The following UXS1 variants were observed in gnomAD, a reference collection of about 807,000 sequenced individuals.
UXS1 encodes UDP-glucuronate decarboxylase 1.
A neutral mutation model predicts 62.6 loss-of-function variants in UXS1; 33 were observed. The ratio of observed to expected loss-of-function variants is 0.53; its 90% CI spans 0.40 to 0.70. The LOEUF is 0.70. Ranked by LOEUF, UXS1 falls within the 30% of genes least tolerant of loss-of-function variation. The pLI, the probability that UXS1 is intolerant of heterozygous loss-of-function variation, is 0.00. For synonymous variants in UXS1, 213 were observed against 206.8 expected (o/e 1.03, Z -0.26); for missense variants, 434 against 556.3 (o/e 0.78, Z 2.21).
intron 10 of UXS1, among the ~76,000 whole-genome samples, chr2:106,109,762 G>A (rs746399687): frequency 2.0e-5 from 3 of 152,166 alleles, no homozygotes; most frequent in Non-Finnish European, 2.9e-5. Context: ...GTACAGCAAC[G>A]AGTGAGATGC....
intron 9 of UXS1, among the ~76,000 whole-genome samples, chr2:106,113,466 T>C (rs1678794201): frequency 6.6e-6 from 1 of 152,220 alleles, no homozygotes; most frequent in Admixed American, 6.5e-5. Flanking sequence ...AATGCTTCTA[T>C]TTTTACTACA....
intron 1 of UXS1, among the ~76,000 whole-genome samples, chr2:106,186,160 G>GA (rs1347008916): frequency 6.6e-6 from 1 of 152,162 alleles, no homozygotes; most frequent in Non-Finnish European, 1.5e-5. Context: ...CAATGGACAT[G>GA]AAATGCACTG....
intron 13 of UXS1, among the ~76,000 whole-genome samples, chr2:106,098,327 A>T (rs1223711440): frequency 2.6e-5 from 4 of 152,154 alleles, no homozygotes; most frequent in African/African-American, 7.2e-5. Flanking sequence ...TTGCAAACAG[A>T]ATTTCAAACC....
intron 7 of UXS1, 83 bp from the exon 8 acceptor site, chr2:106,125,762 T>C: frequency 8.1e-7 from 1 of 1,241,152 alleles, no homozygotes; most frequent in Non-Finnish European, 1.1e-6. Flanking sequence ...AGCAATGTTT[T>C]AGTATTAAAG....
At chr2:106,173,818 T>C (rs1683710258) in intron 1 of UXS1, among the ~76,000 whole-genome samples, 1 of 152,256 alleles carries the variant, frequency 6.6e-6, no homozygotes, top group Non-Finnish European at 1.5e-5. Context: ...TAAAACTTTC[T>C]AGCTCTTGGA....
intron 6 of UXS1, chr2:106,138,421 C>T: frequency 1.0e-6 from 1 of 985,480 alleles, no homozygotes; most frequent in Non-Finnish European, 1.2e-6. Context: ...ACAGTGTGGA[C>T]TCTAGAGGGA....
rs1227669934 is a variant in UXS1, at chr2:106,112,579, C to CTCA, written c.879+64_879+66dup. 1.1e-5 allele frequency: 17 copies of CTCA among 1,584,698 alleles called. No individual in the cohort carries two copies. The East Asian group carries it at 3.9e-4, about 36-fold the overall frequency. ...TCCCTGAACCAAGATGCACTTATCC[C>CTCA]TCATCCTTTGTGAGCTGACTTCGAT... On this transcript the variant is annotated intron_variant, in intron 10 of 14. Coordinates refer to ENST00000283148, the MANE Select transcript of UXS1 (RefSeq NM_001253875.2).
chr2:106,117,760 G>C (rs1261629956), intron 9 of UXS1, among the ~76,000 whole-genome samples: 1 of 152,202 alleles, frequency 6.6e-6, no homozygotes. Context: ...GTCAGGCTGT[G>C]AGGGCTGAAC....
chr2:106,124,090 T>C (rs1679738585), intron 8 of UXS1, among the ~76,000 whole-genome samples: 1 of 152,194 alleles, frequency 6.6e-6, no homozygotes, highest in African/African-American at 2.4e-5. Context: ...AAAATTCCCT[T>C]TCAAAGAGCA....
intron 1 of UXS1, among the ~76,000 whole-genome samples, chr2:106,186,405 G>C (rs1684553360): frequency 6.6e-6 from 1 of 151,712 alleles, no homozygotes; most frequent in South Asian, 2.1e-4. Context: ...GACAAATCCA[G>C]AATGTGGGAC....
intron 4 of UXS1, chr2:106,159,019 C>A (rs777861178): frequency 6.6e-6 from 1 of 152,146 alleles, no homozygotes; most frequent in Non-Finnish European, 1.5e-5. Flanking sequence ...GCTCCCCAGG[C>A]CCCCACCCAC....
At chr2:106,100,687 C>A in intron 12 of UXS1, 1 of 184,164 alleles carries the variant, frequency 5.4e-6, no homozygotes, top group Non-Finnish European at 1.1e-5. Flanking sequence ...GAAAATTTTC[C>A]CTCTGAACAA....
intron 14 of UXS1, among the ~76,000 whole-genome samples, chr2:106,095,559 C>A (rs374276630): frequency 2.6e-5 from 4 of 152,214 alleles, no homozygotes. Flanking sequence ...TCTCTGACTG[C>A]GCCACAACCC....
At chr2:106,157,280 A>AC (rs1682514954) in intron 5 of UXS1, among the ~76,000 whole-genome samples, 1 of 151,876 alleles carries the variant, frequency 6.6e-6, no homozygotes, top group South Asian at 2.1e-4. Flanking sequence ...TTACTTTAAA[A>AC]AAAATGCAAC....
At chr2:106,126,445 C>T (rs1188189805) in intron 7 of UXS1, among the ~76,000 whole-genome samples, 2 of 152,106 alleles carry the variant, frequency 1.3e-5, no homozygotes, top group Admixed American at 1.3e-4. Flanking sequence ...CTGGACACCC[C>T]TCAGCTCTGC....
rs756573202 is a variant in UXS1 at position 106,129,640 on chromosome 2, C to G, written c.577+34G>C. On this transcript the variant is annotated intron_variant, in intron 7 of 14. Coordinates refer to ENST00000283148, the MANE Select transcript of UXS1 (RefSeq NM_001253875.2). The stretch of plus-strand genomic sequence containing the variant: ...TTGTAATCATCTAAAATATTCCCAG[C>G]AACAGCCAAAAAAACAAGAAAATGA... 3.3e-6 allele frequency: 5 copies of G among 1,521,506 alleles called. No individual in the cohort carries two copies. In the African/African-American group the frequency reaches 6.8e-5, roughly 21 times the overall value. 94.3% of individuals were successfully genotyped at this position (1,521,506 alleles called of 1,614,324 possible).
intron 1 of UXS1, among the ~76,000 whole-genome samples, chr2:106,193,365 AG>A (rs1470118471): frequency 3.3e-5 from 5 of 152,136 alleles, no homozygotes; most frequent in Non-Finnish European, 4.4e-5. Flanking sequence ...CCCAACGAAT[AG>A]ATCTTTAAAA....
At chr2:106,100,261 G>GA (rs1326699409) in intron 12 of UXS1, among the ~76,000 whole-genome samples, 1 of 152,192 alleles carries the variant, frequency 6.6e-6, no homozygotes, top group Non-Finnish European at 1.5e-5. Context: ...AAACTGCTCA[G>GA]AAAATCACTC....
chr2:106,170,114 C>T (rs939995641), intron 1 of UXS1, among the ~76,000 whole-genome samples: 1 of 152,170 alleles, frequency 6.6e-6, no homozygotes, highest in African/African-American at 2.4e-5. Flanking sequence ...TCCTTCCCCA[C>T]TCAGACCTCC....
Sources: allele counts gnomAD v4.1 joint callset (sites outside exome capture counted in the v4.1 genomes callset), GRCh38; gene constraint gnomAD v4.1.1; transcripts MANE v1.5; gene names NCBI Gene and HGNC (gene_info 2026-07-23, HGNC 2026-07-21).